SAMSN1: variants seen among roughly 807,000 people sequenced by gnomAD.
SAMSN1 encodes SAM domain-containing protein SAMSN-1.
SAMSN1 carries 31 observed loss-of-function variants against 42.0 expected under a neutral mutation model. The ratio of observed to expected loss-of-function variants is 0.74; its 90% CI spans 0.55 to 1.00. The LOEUF is 1.00. Ranked by LOEUF, SAMSN1 falls within the 50% of genes least tolerant of loss-of-function variation. SAMSN1 has a pLI of 0.00. For synonymous variants in SAMSN1, 178 were observed against 151.9 expected (o/e 1.17, Z -1.26); for missense variants, 464 against 439.4 (o/e 1.06, Z -0.50).
At chr21:14,658,406 A>G (rs1381419753) in intron 1 of SAMSN1, among the ~76,000 whole-genome samples, 3 of 151,958 alleles carry the variant, frequency 2.0e-5, no homozygotes, top group Non-Finnish European at 4.4e-5. Flanking sequence ...AGCAAGCAAC[A>G]CAAAGCCTGC....
At chr21:14,657,429 C>A (rs1006264715) in intron 1 of SAMSN1, among the ~76,000 whole-genome samples, 9 of 151,732 alleles carry the variant, frequency 5.9e-5, no homozygotes, top group African/African-American at 2.2e-4. Context: ...CCCTATATCA[C>A]AGAGGAAGAC....
chr21:14,637,278 A>G (rs563468851), intron 2 of SAMSN1, among the ~76,000 whole-genome samples: 3 of 152,362 alleles, frequency 2.0e-5, no homozygotes, highest in East Asian at 3.9e-4. Context: ...GCTCTTAACT[A>G]TAAAATACAC....
intron 2 of SAMSN1, among the ~76,000 whole-genome samples, chr21:14,518,817 A>T (rs1029571166): frequency 6.6e-6 from 1 of 152,210 alleles, no homozygotes; most frequent in Non-Finnish European, 1.5e-5. Flanking sequence ...AAAGTCCTGA[A>T]TAAAATTTAA....
chr21:14,491,652 T>C (rs114914975), intron 7 of SAMSN1, among the ~76,000 whole-genome samples: 1,900 of 152,298 alleles, frequency 0.012, 27 homozygotes, highest in African/African-American at 0.043. Context: ...TCTAATTCAG[T>C]ATACAAGTGT....
At chr21:14,548,645 T>A (rs917544054), upstream of SAMSN1, among the ~76,000 whole-genome samples, 1 of 152,120 alleles carries the variant, frequency 6.6e-6, no homozygotes, top group African/African-American at 2.4e-5. Flanking sequence ...GAAAAATGTT[T>A]TCTGGGGCTT....
intron 5 of SAMSN1, 48 bp downstream of exon 5, chr21:14,510,262 T>G (rs771890625): frequency 6.3e-7 from 1 of 1,576,546 alleles, no homozygotes; most frequent in Admixed American, 1.7e-5. Context: ...GATCATATAA[T>G]CAGCATTTGA....
At chr21:14,562,194 G>A (rs1331747631) in intron 2 of SAMSN1, among the ~76,000 whole-genome samples, 4 of 152,230 alleles carry the variant, frequency 2.6e-5, no homozygotes, top group Non-Finnish European at 4.4e-5. Context: ...TAGATATGTG[G>A]TTAGATAAAA....
At chr21:14,499,543 TA>T (rs1987053831) in intron 6 of SAMSN1, among the ~76,000 whole-genome samples, 1 of 150,196 alleles carries the variant, frequency 6.7e-6, no homozygotes, top group African/African-American at 2.4e-5. Context: ...ATTCTTTCTT[TA>T]AAAAAGTATA....
At chr21:14,643,078 T>C (rs768508940) in exon 2 of SAMSN1, 14 of 717,286 alleles carry the variant, frequency 2.0e-5, no homozygotes, top group Non-Finnish European at 3.4e-5. Flanking sequence ...AGACATGTTT[T>C]CTTGGTTAGC....
chr21:14,652,338 C>T (rs1417411932), intron 1 of SAMSN1, among the ~76,000 whole-genome samples: 1 of 152,004 alleles, frequency 6.6e-6, no homozygotes, highest in African/African-American at 2.4e-5. Context: ...GGCATAAATA[C>T]AGACACACAG....
intron 1 of SAMSN1, among the ~76,000 whole-genome samples, chr21:14,649,191 A>G (rs1983779363): frequency 6.7e-6 from 1 of 149,504 alleles, no homozygotes. Context: ...CCAACACAGC[A>G]TATTCTCACT....
At chr21:14,595,039 G>C (rs76703699) in intron 6 of SAMSN1, among the ~76,000 whole-genome samples, 1,563 of 152,206 alleles carry the variant, frequency 0.01, 33 homozygotes, top group African/African-American at 0.036. Context: ...TGAAGGCGGA[G>C]GGGCTACACA....
chr21:14,513,699 T>C (rs979431103), intron 3 of SAMSN1, among the ~76,000 whole-genome samples: 16 of 152,206 alleles, frequency 1.1e-4, no homozygotes, highest in African/African-American at 2.9e-4. Context: ...ACCTCTGCCA[T>C]ACAGTAATAT....
chr21:14,494,515 C>T (rs779783929), intron 7 of SAMSN1, among the ~76,000 whole-genome samples: 1 of 152,082 alleles, frequency 6.6e-6, no homozygotes, highest in Non-Finnish European at 1.5e-5. Context: ...AATGAGAACA[C>T]ATGGACACAG....
At chr21:14,575,835 C>T (rs192229613) in intron 2 of SAMSN1, among the ~76,000 whole-genome samples, 28 of 152,284 alleles carry the variant, frequency 1.8e-4, no homozygotes, top group African/African-American at 5.8e-4. Flanking sequence ...CATGTGCCTC[C>T]TTACTCACTG....
rs541288441 is a variant in SAMSN1 at position 14,493,210 on chromosome 21, C to T, written c.919+5232G>A. On this transcript the variant is annotated intron_variant, in intron 7 of 7. Coordinates refer to ENST00000400566, the MANE Select transcript of SAMSN1 (RefSeq NM_022136.5). ...TGGTATCAACATTCTGGCACACAAC[C>T]CACCCTTTCCCCTTCCTCCTCATTT... 2.4e-4 allele frequency among the ~76,000 whole-genome samples: 36 copies of T among 152,264 alleles called. 2 individuals carry two copies. The South Asian group carries it at 6.4e-3, about 27-fold the overall frequency.
chr21:14,632,834 G>A (rs978334909), intron 2 of SAMSN1, among the ~76,000 whole-genome samples: 3 of 152,176 alleles, frequency 2.0e-5, no homozygotes, highest in Non-Finnish European at 4.4e-5. Context: ...ATTTCCTGAA[G>A]GCTGTTGGGC....
At chr21:14,547,770 T>C (rs1980465778), upstream of SAMSN1, among the ~76,000 whole-genome samples, 1 of 152,198 alleles carries the variant, frequency 6.6e-6, no homozygotes, top group Non-Finnish European at 1.5e-5. Flanking sequence ...ATTGATTGTC[T>C]ATTATGTGCA....
chr21:14,654,118 A>T (rs1342421894), intron 1 of SAMSN1, among the ~76,000 whole-genome samples: 1 of 151,990 alleles, frequency 6.6e-6, no homozygotes, highest in Admixed American at 6.6e-5. Context: ...GACTTTTTTA[A>T]AAAGATATAA....
Sources: gnomAD v4.1 joint callset for allele counts (sites outside exome capture counted in the v4.1 genomes callset) on GRCh38, gnomAD v4.1.1 for gene constraint, MANE v1.5 for transcripts, NCBI Gene and HGNC (gene_info 2026-07-23, HGNC 2026-07-21) for gene names.